SREK1: variants seen among roughly 807,000 people sequenced by gnomAD.
SREK1 encodes splicing regulatory glutamine/lysine-rich protein 1.
Under a neutral mutation model 66.5 loss-of-function variants are expected in SREK1, and 13 were observed. The observed-to-expected ratio is 0.20, with a 90% CI of 0.13 to 0.31. The LOEUF is 0.31. Ranked by LOEUF, SREK1 falls within the 10% of genes least tolerant of loss-of-function variation. The pLI is 1.00. For missense variants in SREK1, 607 were observed against 769.6 expected (o/e 0.79, Z 2.50); for synonymous variants, 265 against 263.5 (o/e 1.01, Z -0.05).
At chr5:66,162,082 T>C in intron 3 of SREK1, 27 bp from the exon 4 acceptor site, 2 of 1,604,142 alleles carry the variant, frequency 1.2e-6, no homozygotes, top group Non-Finnish European at 8.5e-7. Context: ...ATATGTGTTC[T>C]GTGTGTTTTT....
chr5:66,157,530 T>C (rs1292622732), intron 2 of SREK1: 1 of 983,598 alleles, frequency 1.0e-6, no homozygotes, highest in Non-Finnish European at 1.2e-6. Context: ...TTATAACAGA[T>C]AAAACAGGTG....
At chr5:66,159,688 A>C (rs1744576244) in intron 3 of SREK1, among the ~76,000 whole-genome samples, 1 of 152,216 alleles carries the variant, frequency 6.6e-6, no homozygotes, top group Non-Finnish European at 1.5e-5. Flanking sequence ...AATGATCCAC[A>C]ACTTTGGTAA....
chr5:66,150,109 G>A (rs1270103326), intron 1 of SREK1, among the ~76,000 whole-genome samples: 1 of 152,238 alleles, frequency 6.6e-6, no homozygotes, highest in East Asian at 1.9e-4. Context: ...ATTTGGTCGA[G>A]CCTGACTTCC....
At chr5:66,147,490 G>T (rs1224005691) in intron 1 of SREK1, among the ~76,000 whole-genome samples, 2 of 152,166 alleles carry the variant, frequency 1.3e-5, no homozygotes, top group African/African-American at 2.4e-5. Context: ...TCTGCACCCT[G>T]TAAGTTCCCC....
chr5:66,168,925 A>G (rs184727615), intron 7 of SREK1: 54 of 152,342 alleles, frequency 3.5e-4, no homozygotes, highest in African/African-American at 1.2e-3. Context: ...TGTAATCCTC[A>G]TGACAGCCCT....
chr5:66,157,031 T>C (rs781474624), intron 2 of SREK1: 23 of 984,928 alleles, frequency 2.3e-5, no homozygotes, highest in Middle Eastern at 5.2e-4. Flanking sequence ...TAGAATTCTA[T>C]CTTGGAAATT....
chr5:66,156,946 A>G (rs1029248869), intron 2 of SREK1: 11 of 985,162 alleles, frequency 1.1e-5, no homozygotes, highest in Non-Finnish European at 1.3e-5. Context: ...TTTGAGGAGT[A>G]TAGTTTGGGA....
At chr5:66,152,080 C>T (rs112127676) in intron 1 of SREK1, among the ~76,000 whole-genome samples, 19,660 of 152,016 alleles carry the variant, frequency 0.13, 1,438 homozygotes, top group Admixed American at 0.22. Context: ...CTCCTGACCT[C>T]GTGATCCGCC....
chr5:66,172,189 G>A (rs1745697964), intron 9 of SREK1, among the ~76,000 whole-genome samples: 1 of 152,192 alleles, frequency 6.6e-6, no homozygotes. Context: ...TTACTGCAAA[G>A]TGATTTTATT....
chr5:66,165,663 G>T (rs1323347539), intron 7 of SREK1: 2 of 152,228 alleles, frequency 1.3e-5, no homozygotes, highest in Non-Finnish European at 2.9e-5. Context: ...TTAAGGTACG[G>T]AGGGGGCTGT....
chr5:66,183,270 G>T lies in SREK1; in HGVS notation c.*4402G>T, dbSNP rs995885756. ...TAAATTCATAAAAATCACACTGAAA[G>T]AATAGGTTGATTTCAACCATTTTGA... On this transcript the variant is annotated 3_prime_UTR_variant, in exon 12 of 12. Coordinates refer to ENST00000334121, the MANE Select transcript of SREK1 (RefSeq NM_001077199.3). The T allele has an allele frequency of 7.2e-5, 11 of 152,092 alleles. No individual in the cohort carries two copies. Among genetic ancestry groups the T allele is most frequent in the Admixed American group, 2.0e-4 (3 of 15,280 alleles). The allele number at this position is 152,092 out of a possible 1,614,324, so 9.4% of individuals were successfully genotyped here. A position where few individuals can be genotyped will look rare whatever the true frequency, so the allele number is the denominator to read the frequency against.
At chr5:66,162,351 A>C in intron 4 of SREK1, 63 bp from the exon 5 acceptor site, 1 of 1,604,954 alleles carries the variant, frequency 6.2e-7, no homozygotes. Context: ...CAGTGGATAC[A>C]GTAATATTTA....
Position 66,170,602 on chromosome 5 carries a change from C to G in SREK1, c.1139C>G (p.Thr380Ser), listed in dbSNP as rs1172457862. 6.2e-7 allele frequency: 1 copy of G among 1,601,590 alleles called. No homozygotes were observed. The highest frequency in any genetic ancestry group is 1.4e-5 in the African/African-American group (1 of 73,324). The change falls in exon 9 of 12, where the codon ACT becomes AGT. Residue 380 changes from threonine (T) to serine (S), a missense_variant. Thr to Ser is a moderately conservative substitution (Grantham distance 58, BLOSUM62 1). This residue lies in a region of SREK1 where 318 missense variants were observed against 310.3 expected (regional missense o/e 1.02). Coordinates refer to ENST00000334121, the MANE Select transcript of SREK1 (RefSeq NM_001077199.3). The part of the protein sequence containing the change: ...RSHSRDKRKD[T>S]REKIKEKERV... ...TTTTAAAGGGACAAGAGAAAAGACACTCGAGAAAAGATCAAGGAAAAGGAA... is the reference window on the plus strand; with the variant it reads ...TTTTAAAGGGACAAGAGAAAAGACAGTCGAGAAAAGATCAAGGAAAAGGAA...
intron 2 of SREK1, 183 bp from the exon 3 acceptor site, chr5:66,159,036 A>G: frequency 7.0e-7 from 1 of 1,421,950 alleles, no homozygotes; most frequent in Non-Finnish European, 9.2e-7. Flanking sequence ...GCTCACTTTT[A>G]TTTTTCCTAG....
chr5:66,152,567 G>T (rs1477935719), intron 1 of SREK1, among the ~76,000 whole-genome samples: 1 of 152,126 alleles, frequency 6.6e-6, no homozygotes, highest in East Asian at 1.9e-4. Context: ...AAAAGTAAAT[G>T]ACTATTAAGT....
At chr5:66,147,310 C>A (rs1743326838) in intron 1 of SREK1, among the ~76,000 whole-genome samples, 1 of 152,176 alleles carries the variant, frequency 6.6e-6, no homozygotes, top group Admixed American at 6.5e-5. Flanking sequence ...ATAAATCAAT[C>A]TCACAGCTTG....
chr5:66,152,593 T>G (rs1365693566), intron 1 of SREK1, among the ~76,000 whole-genome samples: 1 of 152,250 alleles, frequency 6.6e-6, no homozygotes, highest in Non-Finnish European at 1.5e-5. Context: ...ATTTTTCAAG[T>G]GATCTCTCTT....
Position 66,168,431 on chromosome 5 carries a change from C to T in SREK1, c.1002-1620C>T, listed in dbSNP as rs546971941. The T allele has an allele frequency of 3.3e-5, 5 of 152,222 alleles. No homozygotes were observed. The South Asian group carries it at 1.0e-3, about 32-fold the overall frequency. The allele number at this position is 152,222 out of a possible 1,614,324, so 9.4% of individuals were successfully genotyped here. ...AGGCTGGAGTGCAGTGGAGCGACCT[C>T]AGCTCATTGCAACCTCTGCCCCCCG... is the stretch of plus-strand genomic sequence containing the variant. On this transcript the variant is annotated intron_variant, in intron 7 of 11. Transcript: ENST00000334121.
chr5:66,144,324 G>T lies in SREK1; in HGVS notation c.-53G>T, dbSNP rs1039872933. On this transcript the variant is annotated 5_prime_UTR_variant, in exon 1 of 12. Coordinates refer to ENST00000334121, the MANE Select transcript of SREK1 (RefSeq NM_001077199.3). ...CGTTCTCCGCTTTCCCGGCTCCGTC[G>T]CTGACGCGTCGTAGACGTTGGGGAG... The T allele has an allele frequency of 7.2e-7, 1 of 1,397,166 alleles. No individual in the cohort carries two copies. Among genetic ancestry groups the T allele is most frequent in the African/African-American group, 1.5e-5 (1 of 67,690 alleles). The allele number at this position is 1,397,166 out of a possible 1,614,324, so 86.5% of individuals were successfully genotyped here. A position where few individuals can be genotyped will look rare whatever the true frequency, so the allele number is the denominator to read the frequency against.
Sources: allele counts gnomAD v4.1 joint callset (sites outside exome capture counted in the v4.1 genomes callset), GRCh38; gene constraint gnomAD v4.1.1; regional missense constraint gnomAD v4.1.1; transcripts MANE v1.5; gene names NCBI Gene and HGNC (gene_info 2026-07-23, HGNC 2026-07-21).